EYS: variants seen among roughly 807,000 people sequenced by gnomAD.
The protein encoded by EYS is EGF-like photoreceptor maintenance factor, also known as protein eyes shut homolog.
A neutral mutation model predicts 282.1 loss-of-function variants in EYS; 250 were observed. The ratio of observed to expected loss-of-function variants is 0.89; its 90% CI spans 0.80 to 0.98. EYS has a LOEUF of 0.98. EYS is among the 50% of genes least tolerant of loss of function. The pLI, the probability that EYS is intolerant of heterozygous loss-of-function variation, is 0.00. For missense variants in EYS, 4,016 were observed against 3,709.0 expected (o/e 1.08, Z -2.15); for synonymous variants, 1,355 against 1,282.9 (o/e 1.06, Z -1.20).
intron 14 of EYS, among the ~76,000 whole-genome samples, chr6:64,983,649 G>A (rs1562286699): frequency 6.6e-6 from 1 of 151,308 alleles, no homozygotes; most frequent in Non-Finnish European, 1.5e-5. Context: ...GTACTAGTAT[G>A]TGTTAATGGG....
At chr6:65,405,435 T>G in intron 5 of EYS, 68 bp from the exon 6 acceptor site, 2 of 1,220,442 alleles carry the variant, frequency 1.6e-6, no homozygotes, top group Non-Finnish European at 2.4e-6. Context: ...AGCATAGATA[T>G]GTAGCAAAAC....
intron 31 of EYS, among the ~76,000 whole-genome samples, chr6:64,222,983 T>G (rs1475545956): frequency 6.6e-6 from 1 of 152,054 alleles, no homozygotes; most frequent in Non-Finnish European, 1.5e-5. Flanking sequence ...TATACTCATG[T>G]TCATGACAGC....
At chr6:65,106,324 T>TA (rs1376637325) in intron 12 of EYS, among the ~76,000 whole-genome samples, 1 of 152,056 alleles carries the variant, frequency 6.6e-6, no homozygotes, top group African/African-American at 2.4e-5. Context: ...TCTTTACTTG[T>TA]AACTGAGGCT....
At chr6:65,568,308 CT>C (rs61492530) in intron 2 of EYS, among the ~76,000 whole-genome samples, 98,048 of 140,378 alleles carry the variant, frequency 0.7, 33,827 homozygotes, top group East Asian at 0.83. Flanking sequence ...TCTTTTTTTT[CT>C]TTTTTTTTTT....
intron 14 of EYS, among the ~76,000 whole-genome samples, chr6:64,957,788 G>T (rs1053337890): frequency 3.3e-5 from 5 of 151,972 alleles, no homozygotes; most frequent in African/African-American, 2.4e-5. Flanking sequence ...AAAAAAATTA[G>T]TGCCTGTAAA....
At chr6:65,604,844 T>C (rs34400811) in intron 2 of EYS, among the ~76,000 whole-genome samples, 28,786 of 77,710 alleles carry the variant, frequency 0.37, 3,492 homozygotes, top group African/African-American at 0.43. Flanking sequence ...ACTGCCCCCT[T>C]TTTTTTTTTT....
chr6:65,441,688 C>A (rs1020007715), intron 5 of EYS, among the ~76,000 whole-genome samples: 7 of 152,056 alleles, frequency 4.6e-5, no homozygotes, highest in Admixed American at 4.6e-4. Context: ...CAAAGTCAAC[C>A]TACAAAATAG....
chr6:64,644,971 A>T (rs1768298652), intron 22 of EYS, among the ~76,000 whole-genome samples: 1 of 152,180 alleles, frequency 6.6e-6, no homozygotes, highest in South Asian at 2.1e-4. Context: ...TCTGTGTAAA[A>T]TTTTATTGTT....
intron 29 of EYS, among the ~76,000 whole-genome samples, chr6:64,337,953 C>T (rs1257303539): frequency 6.6e-6 from 1 of 151,764 alleles, no homozygotes; most frequent in Non-Finnish European, 1.5e-5. Flanking sequence ...AAACTATCAG[C>T]AAAATCAGCA....
intron 8 of EYS, among the ~76,000 whole-genome samples, chr6:65,360,556 A>T (rs1478239854): frequency 6.6e-6 from 1 of 152,098 alleles, no homozygotes; most frequent in Non-Finnish European, 1.5e-5. Context: ...ATTATATAAG[A>T]TCATTTTCTG....
At chr6:63,798,054 AGAT>A (rs1253493295) in intron 37 of EYS, 3 of 152,224 alleles carry the variant, frequency 2.0e-5, no homozygotes, top group Non-Finnish European at 4.4e-5. Flanking sequence ...AATTTCCACA[AGAT>A]GAAACCACAT....
intron 31 of EYS, among the ~76,000 whole-genome samples, chr6:64,106,395 G>A (rs1458166403): frequency 6.6e-6 from 1 of 151,982 alleles, no homozygotes; most frequent in Non-Finnish European, 1.5e-5. Context: ...AATATGAACA[G>A]ATCTTTTGAA....
chr6:64,740,795 G>A (rs1772345098), intron 22 of EYS, among the ~76,000 whole-genome samples: 1 of 150,398 alleles, frequency 6.6e-6, no homozygotes, highest in African/African-American at 2.4e-5. Flanking sequence ...CCCACTGCAA[G>A]CTCCGCCTCC....
intron 1 of EYS, among the ~76,000 whole-genome samples, chr6:65,643,168 T>C (rs13220274): frequency 0.14 from 22,053 of 152,142 alleles, 1,780 homozygotes; most frequent in South Asian, 0.29. Flanking sequence ...TGCCTAAAAA[T>C]AGACTCAGTG....
intron 22 of EYS, among the ~76,000 whole-genome samples, chr6:64,788,613 G>T (rs1443048833): frequency 6.6e-6 from 1 of 152,110 alleles, no homozygotes; most frequent in Admixed American, 6.6e-5. Context: ...ATATTCAAGT[G>T]ACTTCCCGTT....
rs1355348559 is a variant in EYS at position 63,721,432 on chromosome 6, C to G, written c.8599G>C (p.Gly2867Arg). 1 of 1,551,676 alleles carries G rather than the reference C, an allele frequency of 6.4e-7. No individual in the cohort carries two copies. Among genetic ancestry groups the G allele is most frequent in the East Asian group, 2.4e-5 (1 of 40,922 alleles). ...ELQLTEFGAK[G>R]GSNVGDCDGT... Reference sequence around the variant, plus strand: ...TCACAGTCACCTACATTTGAGCCACCTTTTGCTCCAAATTCAGTTAATTGT... The same window carrying G: ...TCACAGTCACCTACATTTGAGCCACGTTTTGCTCCAAATTCAGTTAATTGT... The change falls in exon 43 of 43, where the codon GGT (glycine) becomes CGT (arginine). Residue 2867 changes from glycine to arginine, a missense_variant. Physicochemically the swap from Gly to Arg is moderately radical, Grantham distance 125. Transcript: ENST00000503581.
At position 65,155,738 on chromosome 6, in the gene EYS, G is replaced by A. The variant is rs115799235; in HGVS notation, c.2024-98011C>T. Among the ~76,000 whole-genome samples, 99 of 151,546 alleles carry A rather than the reference G, an allele frequency of 6.5e-4. 1 individual carries two copies. The highest frequency in any genetic ancestry group is 4.7e-3 in the East Asian group (24 of 5,118). ...CAGAAAGTTGTCTATTATGTAAAAA[G>A]CATTGCAGTGTAGATAAAAATTAAG... On this transcript the variant is annotated intron_variant, in intron 12 of 42. Transcript: ENST00000503581.
At chr6:63,869,281 A>G (rs1772742391) in intron 35 of EYS, among the ~76,000 whole-genome samples, 1 of 152,182 alleles carries the variant, frequency 6.6e-6, no homozygotes, top group African/African-American at 2.4e-5. Context: ...TTGTTCTAGT[A>G]TCTGTCCAAT....
At chr6:63,870,360 C>T (rs1037977451) in intron 35 of EYS, among the ~76,000 whole-genome samples, 5 of 152,144 alleles carry the variant, frequency 3.3e-5, no homozygotes, top group African/African-American at 7.2e-5. Flanking sequence ...CAGCACACAA[C>T]GTCGATGGTT....
Sources: allele counts gnomAD v4.1 joint callset (sites outside exome capture counted in the v4.1 genomes callset), GRCh38; gene constraint gnomAD v4.1.1; transcripts MANE v1.5; gene names NCBI Gene and HGNC (gene_info 2026-07-23, HGNC 2026-07-21).